TRAPPC12: variants seen among roughly 807,000 people sequenced by gnomAD.
TRAPPC12 encodes the protein trafficking protein particle complex subunit 12, also known as TPR repeat protein 15.
In TRAPPC12, 61 loss-of-function variants were observed where a neutral mutation model predicts 69.2. That is an observed-to-expected ratio of 0.88 (90% CI 0.72 to 1.09). The LOEUF (loss-of-function observed/expected upper bound fraction) is 1.09, where lower values mean the gene tolerates loss of function less well. Ranked by LOEUF, TRAPPC12 falls within the 50% of genes least tolerant of loss-of-function variation. The pLI, the probability that TRAPPC12 is intolerant of heterozygous loss-of-function variation, is 0.00. For synonymous variants in TRAPPC12, 469 were observed against 438.9 expected, an observed-to-expected ratio of 1.07 and a Z score of -0.86; for missense variants, 1,101 against 1,016.4, an observed-to-expected ratio of 1.08 and a Z score of -1.13.
At chr2:3,390,696 A>G (rs991203414) in intron 2 of TRAPPC12, among the ~76,000 whole-genome samples, 1 of 152,232 alleles carries the variant, frequency 6.6e-6, no homozygotes, top group Non-Finnish European at 1.5e-5. Context: ...ACCCATGGAA[A>G]GTGCTACACC....
chr2:3,392,046 T>A (rs1346881477), intron 2 of TRAPPC12, among the ~76,000 whole-genome samples: 2 of 152,126 alleles, frequency 1.3e-5, no homozygotes, highest in African/African-American at 2.4e-5. Context: ...TAGGTACATT[T>A]GGAAAGGGGG....
chr2:3,417,008 T>C (rs1005226304), intron 3 of TRAPPC12, among the ~76,000 whole-genome samples: 2 of 151,688 alleles, frequency 1.3e-5, no homozygotes, highest in Non-Finnish European at 2.9e-5. Flanking sequence ...CAGGAAGGCC[T>C]TCCTCTCCCT....
intron 3 of TRAPPC12, among the ~76,000 whole-genome samples, chr2:3,406,588 A>G (rs1195638261): frequency 1.3e-5 from 2 of 152,196 alleles, no homozygotes; most frequent in African/African-American, 4.8e-5. Flanking sequence ...AAAAACAGCT[A>G]ATTTGTAAGT....
At chr2:3,477,313 A>G (rs1666336684) in intron 9 of TRAPPC12, among the ~76,000 whole-genome samples, 1 of 152,230 alleles carries the variant, frequency 6.6e-6, no homozygotes, top group South Asian at 2.1e-4. Context: ...GCCACAAGTA[A>G]CTCATAAGTT....
At chr2:3,421,279 C>T (rs1662768736) in intron 3 of TRAPPC12, among the ~76,000 whole-genome samples, 1 of 152,210 alleles carries the variant, frequency 6.6e-6, no homozygotes, top group Admixed American at 6.5e-5. Flanking sequence ...TGTGTCAGTA[C>T]CAGCCAGCCT....
chr2:3,466,354 G>A (rs893460869), intron 9 of TRAPPC12: 9 of 471,104 alleles, frequency 1.9e-5, no homozygotes, highest in African/African-American at 1.0e-4. Context: ...TGGCTGAGCG[G>A]GGAGAAGCAG....
At chr2:3,393,256 A>T (rs1237249895) in intron 2 of TRAPPC12, among the ~76,000 whole-genome samples, 2 of 152,156 alleles carry the variant, frequency 1.3e-5, no homozygotes, top group African/African-American at 4.8e-5. Context: ...AGCCAGACAC[A>T]AAATGATGAA....
chr2:3,413,067 A>G (rs932823960), intron 3 of TRAPPC12, among the ~76,000 whole-genome samples: 1 of 152,218 alleles, frequency 6.6e-6, no homozygotes, highest in Non-Finnish European at 1.5e-5. Flanking sequence ...TTTAGTGCAG[A>G]AGGACAACTC....
chr2:3,454,694 C>T (rs1665041756), intron 6 of TRAPPC12: 1 of 152,464 alleles, frequency 6.6e-6, no homozygotes, highest in East Asian at 1.9e-4. Context: ...AGACCTTTCT[C>T]TTCCTGCTGC....
chr2:3,381,765 G>A (rs547840601), intron 1 of TRAPPC12, among the ~76,000 whole-genome samples: 24 of 152,266 alleles, frequency 1.6e-4, no homozygotes, highest in Admixed American at 1.4e-3. Flanking sequence ...TGAAACTTCC[G>A]TGTGTCCCTC....
rs187861175 is a variant in TRAPPC12, at chr2:3,383,343, T to G, written c.-5+3467T>G. Among the ~76,000 whole-genome samples, 863 of 152,326 alleles carry G rather than the reference T, an allele frequency of 5.7e-3. 6 individuals carry two copies. Among genetic ancestry groups the G allele is most frequent in the Non-Finnish European group, 9.0e-3 (612 of 68,026 alleles). ...TTGCCTACTCTGAAAATATATTCTC[T>G]TATATTTTCTTCTGAAAGTTTTGAA... On this transcript the variant is annotated intron_variant, in intron 1 of 11. Coordinates refer to ENST00000324266, the MANE Select transcript of TRAPPC12 (RefSeq NM_016030.6).
intron 1 of TRAPPC12, among the ~76,000 whole-genome samples, chr2:3,381,291 T>C (rs1434171838): frequency 6.6e-6 from 1 of 152,252 alleles, no homozygotes; most frequent in African/African-American, 2.4e-5. Context: ...AAGGAAATTT[T>C]ACATGACTGC....
intron 5 of TRAPPC12, among the ~76,000 whole-genome samples, chr2:3,433,318 G>A (rs958873277): frequency 1.3e-5 from 2 of 152,218 alleles, no homozygotes; most frequent in Admixed American, 1.3e-4. Context: ...GGAAATGCCA[G>A]GGCAAACTTG....
intron 3 of TRAPPC12, among the ~76,000 whole-genome samples, chr2:3,413,450 G>A (rs4971503): frequency 0.64 from 96,804 of 152,040 alleles, 31,337 homozygotes; most frequent in African/African-American, 0.76. Context: ...CTCTTGTTGA[G>A]TGGTGTTCGG....
At chr2:3,419,168 G>A (rs1324241426) in intron 3 of TRAPPC12, among the ~76,000 whole-genome samples, 1 of 152,158 alleles carries the variant, frequency 6.6e-6, no homozygotes, top group African/African-American at 2.4e-5. Context: ...GAGGGAAGAG[G>A]GCCCCAGCCT....
rs772550078 is a variant in TRAPPC12 at position 3,443,816 on chromosome 2, G to C, written c.1455G>C (p.Ala485=). The C allele has an allele frequency of 1.9e-6, 3 of 1,613,980 alleles. No homozygotes were observed. The highest frequency in any genetic ancestry group is 2.5e-6 in the Non-Finnish European group (3 of 1,180,032). The change falls in exon 6 of 12, where the codon GCG becomes GCC. Residue 485 remains alanine (A), a synonymous_variant. Transcript: ENST00000324266. ...CCTTCTCGATGCGCATCTTGCACGC[G>C]GAGCTTCAGCAGTACCTGGGGAACC... ...MVPFSMRILH[A]ELQQYLGNPQ...
In TRAPPC12 at chr2:3,387,786, T is replaced by C. The variant is rs1173352460; in HGVS notation, c.163T>C (p.Ser55Pro). ...AGAGAACGAGACCGCATCGGAAGGC[T>C]CGAGTCCTCTCGCGGACAAGCTGAA... ...SEENETASEG[S>P]SPLADKLNEH... Residue 55 changes from serine to proline, a missense_variant, in exon 2 of 12, where the codon TCG (serine) becomes CCG (proline). Ser to Pro is a moderately conservative substitution (Grantham distance 74). Coordinates refer to ENST00000324266, the MANE Select transcript of TRAPPC12 (RefSeq NM_016030.6). 1 of 1,613,216 alleles carries C rather than the reference T, an allele frequency of 6.2e-7. No individual in the cohort carries two copies. Among genetic ancestry groups the C allele is most frequent in the Non-Finnish European group, 8.5e-7 (1 of 1,179,556 alleles).
intron 1 of TRAPPC12, among the ~76,000 whole-genome samples, chr2:3,381,609 C>A (rs552033490): frequency 1.3e-5 from 2 of 152,204 alleles, no homozygotes; most frequent in Admixed American, 1.3e-4. Context: ...ATTTCTATCA[C>A]GTACAAATCA....
intron 3 of TRAPPC12, among the ~76,000 whole-genome samples, chr2:3,408,647 AT>A (rs1418208099): frequency 6.6e-6 from 1 of 152,136 alleles, no homozygotes; most frequent in Non-Finnish European, 1.5e-5. Flanking sequence ...TTAAAAAAAA[AT>A]AATAATAACA....
Sources: allele counts gnomAD v4.1 joint callset (sites outside exome capture counted in the v4.1 genomes callset), GRCh38; gene constraint gnomAD v4.1.1; transcripts MANE v1.5; gene names NCBI Gene and HGNC (gene_info 2026-07-23, HGNC 2026-07-21).